CNTNAP2: variants seen among roughly 807,000 people sequenced by gnomAD.
The protein encoded by CNTNAP2 is contactin associated protein 2.
Under a neutral mutation model 155.2 loss-of-function variants are expected in CNTNAP2, and 98 were observed. The observed-to-expected ratio is 0.63, with a 90% confidence interval of 0.54 to 0.75. The LOEUF is 0.75. Ranked by LOEUF, CNTNAP2 falls within the 30% of genes least tolerant of loss-of-function variation. The pLI is 0.00. For synonymous variants in CNTNAP2, 651 were observed against 631.2 expected, an observed-to-expected ratio of 1.03 and a Z score of -0.47; for missense variants, 1,727 against 1,688.1, an observed-to-expected ratio of 1.02 and a Z score of -0.40.
At chr7:147,587,948 G>A (rs1278522847) in intron 12 of CNTNAP2, among the ~76,000 whole-genome samples, 1 of 152,040 alleles carries the variant, frequency 6.6e-6, no homozygotes, top group East Asian at 1.9e-4. Flanking sequence ...CTGAGTCCAT[G>A]GACAAATAAA....
chr7:147,850,810 A>G (rs562049272), intron 13 of CNTNAP2, among the ~76,000 whole-genome samples: 1 of 152,246 alleles, frequency 6.6e-6, no homozygotes, highest in South Asian at 2.1e-4. Flanking sequence ...ACCTAAAACC[A>G]TAAAAACTCT....
intron 8 of CNTNAP2, among the ~76,000 whole-genome samples, chr7:147,141,660 C>T (rs1385729377): frequency 6.6e-6 from 1 of 152,076 alleles, no homozygotes; most frequent in African/African-American, 2.4e-5. Context: ...AGTCACTAAC[C>T]TTGGCCACTA....
chr7:147,524,507 A>G (rs1001912437), intron 11 of CNTNAP2, among the ~76,000 whole-genome samples: 4 of 152,230 alleles, frequency 2.6e-5, no homozygotes, highest in African/African-American at 7.2e-5. Context: ...TTATAAGCCA[A>G]AGAGACACAA....
At chr7:148,330,787 T>TG (rs1797981636) in intron 21 of CNTNAP2, among the ~76,000 whole-genome samples, 2 of 98,538 alleles carry the variant, frequency 2.0e-5, no homozygotes, top group Non-Finnish European at 3.9e-5. Context: ...AGTTGATGGA[T>TG]GGAATGGATG....
chr7:146,389,944 T>C (rs774183221), intron 1 of CNTNAP2, among the ~76,000 whole-genome samples: 106 of 151,874 alleles, frequency 7.0e-4, no homozygotes, highest in Non-Finnish European at 6.3e-4. Flanking sequence ...CAGGTGATCC[T>C]CCCACCTTGG....
At chr7:147,283,672 G>A (rs748839029) in intron 8 of CNTNAP2, among the ~76,000 whole-genome samples, 6 of 151,854 alleles carry the variant, frequency 4.0e-5, no homozygotes, top group Non-Finnish European at 7.4e-5. Flanking sequence ...GGTATTGCTG[G>A]ATGACATCTT....
intron 3 of CNTNAP2, among the ~76,000 whole-genome samples, chr7:146,849,153 A>T (rs1282471570): frequency 1.3e-5 from 2 of 152,196 alleles, no homozygotes; most frequent in African/African-American, 4.8e-5. Flanking sequence ...AATTTATATA[A>T]TGTAAATATC....
intron 21 of CNTNAP2, among the ~76,000 whole-genome samples, chr7:148,338,717 A>G (rs955153043): frequency 1.3e-5 from 2 of 152,236 alleles, no homozygotes; most frequent in Non-Finnish European, 2.9e-5. Flanking sequence ...AAAGATAAAA[A>G]GAAAAATACT....
At chr7:146,445,646 G>C (rs1639455) in intron 1 of CNTNAP2, among the ~76,000 whole-genome samples, 2 of 152,018 alleles carry the variant, frequency 1.3e-5, no homozygotes, top group African/African-American at 2.4e-5. Flanking sequence ...TTATGTGCTT[G>C]CATTATCAAG....
At chr7:147,398,222 C>T (rs928708226) in intron 10 of CNTNAP2, among the ~76,000 whole-genome samples, 3 of 151,988 alleles carry the variant, frequency 2.0e-5, no homozygotes, top group Admixed American at 1.3e-4. Context: ...TCCAGATAAT[C>T]CTTTAATGAT....
intron 3 of CNTNAP2, among the ~76,000 whole-genome samples, chr7:146,894,195 A>C (rs1018390013): frequency 6.6e-5 from 10 of 152,168 alleles, no homozygotes; most frequent in African/African-American, 2.4e-4. Context: ...AAAGGGCGTA[A>C]AGGAAACAAT....
At chr7:148,193,305 C>A (rs567942196) in intron 18 of CNTNAP2, among the ~76,000 whole-genome samples, 10 of 152,188 alleles carry the variant, frequency 6.6e-5, no homozygotes, top group African/African-American at 2.4e-4. Flanking sequence ...CAAGGCCAAC[C>A]TAGCCATTAG....
intron 1 of CNTNAP2, among the ~76,000 whole-genome samples, chr7:146,162,517 T>TA (rs1340504151): frequency 6.6e-6 from 1 of 152,038 alleles, no homozygotes; most frequent in Non-Finnish European, 1.5e-5. Flanking sequence ...ACAGGTGCTG[T>TA]AGAGGATGTG....
intron 10 of CNTNAP2, among the ~76,000 whole-genome samples, chr7:147,409,020 G>A (rs1479612467): frequency 6.6e-6 from 1 of 152,160 alleles, no homozygotes; most frequent in Non-Finnish European, 1.5e-5. Flanking sequence ...TGGCTAGAAA[G>A]AGAAACTGGT....
chr7:146,647,997 AC>A (rs1338593343), intron 1 of CNTNAP2, among the ~76,000 whole-genome samples: 1 of 152,062 alleles, frequency 6.6e-6, no homozygotes, highest in Non-Finnish European at 1.5e-5. Context: ...CCAATGTACC[AC>A]AATTCTTATC....
chr7:146,803,667 T>C (rs1406203635), intron 2 of CNTNAP2, among the ~76,000 whole-genome samples: 2 of 152,324 alleles, frequency 1.3e-5, no homozygotes, highest in South Asian at 4.1e-4. Flanking sequence ...GAAATATAGA[T>C]GCATATAATT....
chr7:148,033,782 C>T (rs181288569), intron 15 of CNTNAP2, among the ~76,000 whole-genome samples: 4 of 152,180 alleles, frequency 2.6e-5, no homozygotes, highest in Admixed American at 6.5e-5. Flanking sequence ...TATACGTATA[C>T]ACACAGAGAG....
chr7:146,175,785 A>G (rs1163737997), intron 1 of CNTNAP2, among the ~76,000 whole-genome samples: 3 of 152,048 alleles, frequency 2.0e-5, no homozygotes, highest in Non-Finnish European at 4.4e-5. Flanking sequence ...TAATATTACA[A>G]TTGCTATTTC....
intron 6 of CNTNAP2, 91 bp from the exon 7 acceptor site, chr7:147,128,602 T>C (rs1801284967): frequency 2.1e-6 from 3 of 1,420,488 alleles, no homozygotes; most frequent in Admixed American, 3.4e-5. Context: ...TTGGTTGAGG[T>C]ATAGATACTT....
Sources: allele counts gnomAD v4.1 joint callset (sites outside exome capture counted in the v4.1 genomes callset), GRCh38; gene constraint gnomAD v4.1.1; transcripts MANE v1.5; gene names NCBI Gene and HGNC (gene_info 2026-07-23, HGNC 2026-07-21).